Variants in TOM1L1 observed in about 807,000 individuals in gnomAD.
TOM1L1 encodes the protein TOM1-like protein 1.
TOM1L1 carries 64 observed loss-of-function variants against 63.4 expected under a neutral mutation model. The ratio of observed to expected loss-of-function variants is 1.01; its 90% CI spans 0.83 to 1.24. The LOEUF is 1.24. TOM1L1 is among the 50% of genes most tolerant of loss of function. TOM1L1 has a pLI of 0.00. For synonymous variants in TOM1L1, 166 were observed against 194.4 expected (o/e 0.85, Z 1.22); for missense variants, 536 against 567.0 (o/e 0.95, Z 0.55).
chr17:54,919,568 T>G (rs897096639), intron 7 of TOM1L1, among the ~76,000 whole-genome samples: 4 of 152,204 alleles, frequency 2.6e-5, no homozygotes, highest in African/African-American at 9.7e-5. Context: ...GTTGCTGTTT[T>G]AATGCCAGAG....
intron 3 of TOM1L1, among the ~76,000 whole-genome samples, chr17:54,909,699 C>T (rs1048903594): frequency 4.6e-5 from 7 of 152,122 alleles, no homozygotes; most frequent in African/African-American, 1.7e-4. Flanking sequence ...GACACTGAAG[C>T]TTAGGATAAG....
At chr17:54,952,553 A>AG (rs1380990337) in intron 14 of TOM1L1, 1 of 151,980 alleles carries the variant, frequency 6.6e-6, no homozygotes, top group Admixed American at 6.6e-5. Context: ...TCTCAAAAAA[A>AG]AAAAAAAAAA....
chr17:54,907,463 G>A (rs2048430552), intron 3 of TOM1L1, among the ~76,000 whole-genome samples: 1 of 152,164 alleles, frequency 6.6e-6, no homozygotes, highest in African/African-American at 2.4e-5. Flanking sequence ...CTTGCCTCAT[G>A]CCACTTTGTT....
chr17:54,904,369 CAAAAAAAAAA>C (rs1165559722), intron 2 of TOM1L1, among the ~76,000 whole-genome samples: 1 of 78,166 alleles, frequency 1.3e-5, no homozygotes, highest in Non-Finnish European at 2.9e-5. Context: ...GACTCTATCT[CAAAAAAAAAA>C]AAAAAAAAAA....
At chr17:54,936,251 T>C (rs753513459) in intron 8 of TOM1L1, among the ~76,000 whole-genome samples, 2 of 152,168 alleles carry the variant, frequency 1.3e-5, no homozygotes, top group Non-Finnish European at 2.9e-5. Context: ...GTGTGATAGA[T>C]TCATAAGGTA....
intron 14 of TOM1L1, among the ~76,000 whole-genome samples, chr17:54,960,082 G>T (rs1024963188): frequency 6.6e-6 from 1 of 152,200 alleles, no homozygotes; most frequent in Non-Finnish European, 1.5e-5. Flanking sequence ...CAACAATAAG[G>T]CCGGGTGTGG....
rs1457978646 is a variant in TOM1L1, at chr17:54,960,599, C to A, written c.1404C>A (p.His468Gln). ...AIYEEIDAHQ[H>Q]KGAQNDGD ...ATGAAGAAATTGATGCTCACCAGCACAAAGGAGCTCAAAATGATGGTGACT... is the reference window on the plus strand; with the variant it reads ...ATGAAGAAATTGATGCTCACCAGCAAAAAGGAGCTCAAAATGATGGTGACT... The change falls in exon 15 of 16, where the codon CAC becomes CAA. Residue 468 changes from histidine to glutamine, a missense_variant. His to Gln is a conservative substitution (Grantham distance 24, BLOSUM62 0). Transcript: ENST00000575882. The A allele has an allele frequency of 5.0e-6, 8 of 1,612,930 alleles. No individual in the cohort carries two copies. Among genetic ancestry groups the A allele is most frequent in the South Asian group, 4.4e-5 (4 of 91,034 alleles).
Position 54,938,992 on chromosome 17 carries a change from C to A in TOM1L1, c.1102C>A (p.Leu368Ile). ...CAGTCTTCATCCACAGATGAACTTG[C>A]TAGCCTTGGAGAATACAGAGATACC... is the stretch of plus-strand genomic sequence containing the variant. ...KPSLHPQMNL[L>I]ALENTEIPPF... is the part of the protein sequence containing the mutation. The change falls in exon 11 of 16, where the codon CTA (leucine) becomes ATA (isoleucine). Residue 368 changes from leucine (L) to isoleucine (I), a missense_variant. Coordinates refer to ENST00000575882, the MANE Select transcript of TOM1L1 (RefSeq NM_005486.3). The A allele has an allele frequency of 3.1e-6, 5 of 1,612,058 alleles. No homozygotes were observed. Among genetic ancestry groups the A allele is most frequent in the Non-Finnish European group, 4.2e-6 (5 of 1,178,548 alleles).
At chr17:54,928,375 AAC>A (rs2048803198) in intron 7 of TOM1L1, among the ~76,000 whole-genome samples, 1 of 151,512 alleles carries the variant, frequency 6.6e-6, no homozygotes, top group African/African-American at 2.4e-5. Flanking sequence ...ACCAAAAAAA[AAC>A]AAAACAACAA....
intron 12 of TOM1L1, among the ~76,000 whole-genome samples, chr17:54,947,530 A>C (rs1464395486): frequency 6.6e-6 from 1 of 152,166 alleles, no homozygotes; most frequent in East Asian, 1.9e-4. Flanking sequence ...ATGCTCTTCT[A>C]CCACTCTATG....
At chr17:54,912,114 C>T (rs563625090) in intron 3 of TOM1L1, among the ~76,000 whole-genome samples, 2 of 152,180 alleles carry the variant, frequency 1.3e-5, no homozygotes, top group Non-Finnish European at 2.9e-5. Context: ...GCTCTATACT[C>T]ATTTTTACTG....
At chr17:54,945,489 C>G (rs968111753) in intron 11 of TOM1L1, among the ~76,000 whole-genome samples, 1 of 152,138 alleles carries the variant, frequency 6.6e-6, no homozygotes, top group African/African-American at 2.4e-5. Context: ...CCTGCTGGAA[C>G]CCTGATGACA....
At chr17:54,927,308 A>G (rs988083580) in intron 7 of TOM1L1, among the ~76,000 whole-genome samples, 1 of 152,152 alleles carries the variant, frequency 6.6e-6, no homozygotes, top group African/African-American at 2.4e-5. Context: ...AAGCAAACAC[A>G]TTTCTTCGTG....
chr17:54,949,367 C>T, intron 12 of TOM1L1, 151 bp from the exon 13 acceptor site: 3 of 581,142 alleles, frequency 5.2e-6, no homozygotes, highest in South Asian at 4.5e-5. Flanking sequence ...GTGATTATTA[C>T]CTAAAAAAAC....
Position 54,913,878 on chromosome 17 carries a change from G to C in TOM1L1, c.498+5G>C, listed in dbSNP as rs761710736. ...GCTGAAACAGCAAGACAAGAGGTAG[G>C]AGGCCTTTCTTTGACCCATGGAGAC... On this transcript the variant is annotated splice_donor_5th_base_variant and intron_variant, in intron 5 of 15. Transcript: ENST00000575882. 3.7e-6 allele frequency: 6 copies of C among 1,604,362 alleles called. No individual in the cohort carries two copies. In the African/African-American group the frequency reaches 8.0e-5, roughly 22 times the overall value.
intron 8 of TOM1L1, 117 bp from the exon 9 acceptor site, chr17:54,936,528 TTGTG>T (rs1301810511): frequency 1.3e-6 from 1 of 792,326 alleles, no homozygotes; most frequent in Admixed American, 3.2e-5. Context: ...TTACTGATAA[TTGTG>T]TGAGGATGAG....
chr17:54,949,731 T>C, intron 13 of TOM1L1, 108 bp downstream of exon 13: 1 of 971,412 alleles, frequency 1.0e-6, no homozygotes. Context: ...AGATGCTCTT[T>C]TGTATTTTTA....
intron 7 of TOM1L1, chr17:54,917,149 C>T (rs1263776318): frequency 6.6e-6 from 1 of 152,104 alleles, no homozygotes; most frequent in African/African-American, 2.4e-5. Flanking sequence ...TACTTATCTT[C>T]CTTAGTAGAT....
rs372776781 is a variant in TOM1L1, at chr17:54,958,748, A to AAAGGG, written c.1371-1818_1371-1817insAAGGG. ...TCCATCTCAAAAAAAAAAAAAAAAA[A>AAAGGG]GGGGTTGTTGGTAGCTAGAGGATAC... On this transcript the variant is annotated intron_variant, in intron 14 of 15. Transcript: ENST00000575882. Among the ~76,000 whole-genome samples the AAAGGG allele has an allele frequency of 9.2e-5, 11 of 118,928 alleles. No homozygotes were observed. In the East Asian group the frequency reaches 1.9e-3, roughly 20 times the overall value. 78.0% of individuals were successfully genotyped at this position (118,928 alleles called of 152,430 possible). A position where few individuals can be genotyped will look rare whatever the true frequency, so the allele number is the denominator to read the frequency against.
Sources: gnomAD v4.1 joint callset for allele counts (sites outside exome capture counted in the v4.1 genomes callset) on GRCh38, gnomAD v4.1.1 for gene constraint, MANE v1.5 for transcripts, NCBI Gene and HGNC (gene_info 2026-07-23, HGNC 2026-07-21) for gene names.